PACS2: variants seen among roughly 807,000 people sequenced by gnomAD.
The protein encoded by PACS2 is phosphofurin acidic cluster sorting protein 2, also known as PACS1-like protein.
Under a neutral mutation model 113.0 loss-of-function variants are expected in PACS2, and 36 were observed. That is an observed-to-expected ratio of 0.32 (90% CI 0.24 to 0.42). PACS2 has a LOEUF of 0.42. PACS2 is among the 10% of genes least tolerant of loss of function. The pLI, the probability that PACS2 is intolerant of heterozygous loss-of-function variation, is 1.00. For synonymous variants in PACS2, 589 were observed against 536.1 expected (o/e 1.10, Z -1.36); for missense variants, 1,015 against 1,239.5 (o/e 0.82, Z 2.72).
intron 4 of PACS2, among the ~76,000 whole-genome samples, chr14:105,364,499 C>T (rs1247430082): frequency 7.2e-6 from 1 of 139,832 alleles, no homozygotes; most frequent in Admixed American, 7.1e-5. Flanking sequence ...GGCCCGGGTG[C>T]GCGGTGGGCG....
At chr14:105,382,678 A>G (rs1555412358) in intron 14 of PACS2, 97 bp downstream of exon 14, 5 of 962,450 alleles carry the variant, frequency 5.2e-6, no homozygotes, top group Non-Finnish European at 8.2e-6. Context: ...TGGGTGCTGG[A>G]GCTGCTGGCT....
At chr14:105,369,932 C>G in intron 8 of PACS2, 32 bp downstream of exon 8, 1 of 1,576,342 alleles carries the variant, frequency 6.3e-7, no homozygotes. Flanking sequence ...CTCGCGGCCC[C>G]CACGCCTGCA....
chr14:105,387,527 C>A (rs1464832130), intron 19 of PACS2, among the ~76,000 whole-genome samples: 1 of 152,256 alleles, frequency 6.6e-6, no homozygotes, highest in Non-Finnish European at 1.5e-5. Flanking sequence ...CCTGACCACA[C>A]TGCCTCCACA....
At chr14:105,389,857 G>A (rs906930556) in intron 19 of PACS2, 104 bp from the exon 20 acceptor site, 35 of 1,045,118 alleles carry the variant, frequency 3.3e-5, no homozygotes, top group South Asian at 1.1e-4. Flanking sequence ...CGGCAGGGCC[G>A]CGGCCCCAGG....
chr14:105,320,727 C>T (rs751357940), intron 1 of PACS2, among the ~76,000 whole-genome samples: 2 of 152,208 alleles, frequency 1.3e-5, no homozygotes, highest in African/African-American at 2.4e-5. Flanking sequence ...CTTCTGTAGT[C>T]CTTAGCAGAT....
Position 105,352,361 on chromosome 14 carries a change from G to T in PACS2, c.208-17G>T. ...TATGCAGTCCTTTGAGCTAGAACAG[G>T]TCTTGCTTAATCACAGGGCTCCAAA... On this transcript the variant is annotated splice_polypyrimidine_tract_variant and intron_variant, in intron 2 of 24. Coordinates refer to ENST00000447393, the MANE Select transcript of PACS2 (RefSeq NM_001100913.3). 6.4e-7 allele frequency: 1 copy of T among 1,553,382 alleles called. No individual in the cohort carries two copies. The highest frequency in any genetic ancestry group is 8.9e-7 in the Non-Finnish European group (1 of 1,124,864).
chr14:105,313,763 A>C (rs2058423007), upstream of PACS2, among the ~76,000 whole-genome samples: 1 of 152,258 alleles, frequency 6.6e-6, no homozygotes, highest in Non-Finnish European at 1.5e-5. Context: ...TGAAACAAGG[A>C]AACAGAAGAG....
At chr14:105,336,232 C>T (rs1163943446) in intron 1 of PACS2, among the ~76,000 whole-genome samples, 2 of 152,360 alleles carry the variant, frequency 1.3e-5, no homozygotes, top group Non-Finnish European at 2.9e-5. Context: ...GCGCCCCCAC[C>T]CCCTTGCCTG....
At chr14:105,359,227 C>T (rs587707487) in intron 4 of PACS2, among the ~76,000 whole-genome samples, 4 of 152,306 alleles carry the variant, frequency 2.6e-5, no homozygotes, top group East Asian at 1.9e-4. Context: ...CCTCCAGCCC[C>T]GCAGGCTCTG....
intron 8 of PACS2, among the ~76,000 whole-genome samples, chr14:105,375,852 C>T (rs1320888237): frequency 6.6e-6 from 1 of 152,180 alleles, no homozygotes. Context: ...GTCATAATGC[C>T]CGTCAGCTGG....
At chr14:105,306,130 C>T (rs1290192081) in intron 1 of PACS2, among the ~76,000 whole-genome samples, 3 of 152,168 alleles carry the variant, frequency 2.0e-5, no homozygotes, top group South Asian at 2.1e-4. Flanking sequence ...CTGAACTGAA[C>T]GTGCTCGTAA....
intron 24 of PACS2, 37 bp downstream of exon 24, chr14:105,393,372 C>A: frequency 7.0e-7 from 1 of 1,436,240 alleles, no homozygotes; most frequent in Admixed American, 1.8e-5. Context: ...TAGAGTGGGA[C>A]GTAGGTGAGA....
Position 105,382,032 on chromosome 14 carries a change from C to T in PACS2, c.1387C>T (p.Arg463Trp), listed in dbSNP as rs782112732. 2.1e-5 allele frequency: 32 copies of T among 1,549,052 alleles called. No homozygotes were observed. Among genetic ancestry groups the T allele is most frequent in the African/African-American group, 5.5e-5 (4 of 72,922 alleles). The change falls in exon 13 of 25, where the codon CGG (arginine) becomes TGG (tryptophan). Residue 463 changes from arginine (R) to tryptophan (W), a missense_variant. By Grantham distance (101) the Arg-to-Trp change is moderately radical. Transcript: ENST00000447393. ...GGACAACGAGCGCTGCCCGGACGCCCGGAGCCAGCTACAGGTGCAGCTGCA... is the reference window on the plus strand; with the variant it reads ...GGACAACGAGCGCTGCCCGGACGCCTGGAGCCAGCTACAGGTGCAGCTGCA... ...SLDNERCPDA[R>W]SQLQVQLQIP...
intron 16 of PACS2, 135 bp downstream of exon 16, chr14:105,383,648 G>A (rs2081072933): frequency 2.8e-6 from 2 of 717,492 alleles, no homozygotes; most frequent in Non-Finnish European, 4.5e-6. Flanking sequence ...GGCGCGGTGT[G>A]GCATGGCGTG....
chr14:105,353,333 T>C (rs1384552413), intron 3 of PACS2, among the ~76,000 whole-genome samples: 5 of 123,932 alleles, frequency 4.0e-5, no homozygotes, highest in African/African-American at 1.6e-4. Context: ...CACTGTCCCC[T>C]GGGGAGACGG....
chr14:105,383,252 C>A, intron 15 of PACS2, 107 bp from the exon 16 acceptor site: 1 of 1,292,188 alleles, frequency 7.7e-7, no homozygotes, highest in Non-Finnish European at 1.1e-6. Flanking sequence ...GTGGCATGAG[C>A]GGCCACAGGC....
chr14:105,394,547 C>G lies in PACS2; in HGVS notation c.2597-7C>G. On this transcript the variant is annotated splice_region_variant and splice_polypyrimidine_tract_variant and intron_variant, in intron 24 of 24. Coordinates refer to ENST00000447393, the MANE Select transcript of PACS2 (RefSeq NM_001100913.3). ...GGGGCAGGCGGTCAGGCAGCCCTCT[C>G]CCACAGTCCTCATCGACGGCGTGGA... is the stretch of plus-strand genomic sequence containing the variant. 6.2e-7 allele frequency: 1 copy of G among 1,612,040 alleles called. No individual in the cohort carries two copies. The highest frequency in any genetic ancestry group is 8.5e-7 in the Non-Finnish European group (1 of 1,179,404).
Position 105,381,008 on chromosome 14 carries a change from G to C in PACS2, c.1177G>C (p.Ala393Pro). ...HPGQPEDSPEAEASTLDVFTE... is the reference protein window; with the variant it reads ...HPGQPEDSPEPEASTLDVFTE... ...TGGACAGCCTGAGGACAGCCCCGAG[G>C]CTGAGGCCTCCACCCTGGATGTGTT... The change falls in exon 12 of 25, where the codon GCT becomes CCT. Residue 393 changes from alanine (A) to proline (P), a missense_variant. Ala to Pro is a conservative substitution (Grantham distance 27). Around this residue, in one of 3 missense-constraint regions of PACS2, gnomAD observed 859 missense variants for 1,056.8 expected, o/e 0.81. Coordinates refer to ENST00000447393, the MANE Select transcript of PACS2 (RefSeq NM_001100913.3). 1.2e-6 allele frequency: 2 copies of C among 1,612,568 alleles called. No individual in the cohort carries two copies. Among genetic ancestry groups the C allele is most frequent in the Non-Finnish European group, 1.7e-6 (2 of 1,179,728 alleles).
At position 105,315,085 on chromosome 14, in the gene PACS2, G is replaced by T. The variant is rs974552156; in HGVS notation, c.119+48G>T. The T allele has an allele frequency of 1.4e-5, 15 of 1,068,620 alleles. No homozygotes were observed. The African/African-American group carries it at 1.5e-4, about 11-fold the overall frequency. The allele number at this position is 1,068,620 out of a possible 1,614,324, so 66.2% of individuals were successfully genotyped here. A position where few individuals can be genotyped will look rare whatever the true frequency, so the allele number is the denominator to read the frequency against. ...TGTTCCCGCCGGGCACCTGCTGGGG[G>T]TGTCCTGGCCGCGGCCTCTGCGCGC... is the stretch of plus-strand genomic sequence containing the variant. On this transcript the variant is annotated intron_variant, in intron 1 of 24. Transcript: ENST00000447393. The surrounding 1 kb of genome is among the most constrained non-coding windows in gnomAD (Gnocchi z 4.4).
Sources: allele counts gnomAD v4.1 joint callset (sites outside exome capture counted in the v4.1 genomes callset), GRCh38; gene constraint gnomAD v4.1.1; regional missense constraint gnomAD v4.1.1; non-coding constraint Gnocchi (gnomAD v3.1); transcripts MANE v1.5; gene names NCBI Gene and HGNC (gene_info 2026-07-23, HGNC 2026-07-21).